CRYBG2: variants seen among roughly 807,000 people sequenced by gnomAD.
CRYBG2 encodes crystallin beta-gamma domain containing 2.
Under a neutral mutation model 153.4 loss-of-function variants are expected in CRYBG2, and 106 were observed. That is an observed-to-expected ratio of 0.69 (90% CI 0.59 to 0.81). The LOEUF (loss-of-function observed/expected upper bound fraction) is 0.81, where lower values mean the gene tolerates loss of function less well. CRYBG2 is among the 30% of genes least tolerant of loss of function. The pLI is 0.00. For synonymous variants in CRYBG2, 851 were observed against 877.8 expected, an observed-to-expected ratio of 0.97 and a Z score of 0.54; for missense variants, 1,996 against 2,112.0, an observed-to-expected ratio of 0.95 and a Z score of 1.08.
chr1:26,347,286 T>G (rs930431088), intron 1 of CRYBG2, among the ~76,000 whole-genome samples: 19 of 123,564 alleles, frequency 1.5e-4, no homozygotes, highest in African/African-American at 5.4e-4. Context: ...CCCCCTGCGT[T>G]TTTTTTTTTT....
At chr1:26,333,655 G>C (rs1217622871) in intron 14 of CRYBG2, among the ~76,000 whole-genome samples, 1 of 152,036 alleles carries the variant, frequency 6.6e-6, no homozygotes, top group Non-Finnish European at 1.5e-5. Flanking sequence ...CCTTCTGCAA[G>C]CCAGGAAGAA....
chr1:26,346,788 C>T lies in CRYBG2; in HGVS notation c.-55-76G>A. ...CTAAAGTGCAGAATAACCACCCCTACCCAAGTCAGGCTGGGAACCTCAGGC... is the reference window on the plus strand; with the variant it reads ...CTAAAGTGCAGAATAACCACCCCTATCCAAGTCAGGCTGGGAACCTCAGGC... On this transcript the variant is annotated intron_variant, in intron 1 of 19. Coordinates refer to ENST00000308182, the MANE Select transcript of CRYBG2 (RefSeq NM_001039775.4). This position sits in a 1 kb window ranked among gnomAD's most constrained non-coding sequence, Gnocchi z 4.9. The T allele has an allele frequency of 1.0e-6, 1 of 995,704 alleles. No individual in the cohort carries two copies. The highest frequency in any genetic ancestry group is 1.4e-6 in the Non-Finnish European group (1 of 701,444). 61.7% of individuals were successfully genotyped at this position (995,704 alleles called of 1,614,324 possible).
chr1:26,323,973 G>T (rs1483552767), intron 18 of CRYBG2, among the ~76,000 whole-genome samples, 179 bp downstream of exon 18: 2 of 152,174 alleles, frequency 1.3e-5, no homozygotes, highest in African/African-American at 4.8e-5. Context: ...TGTTTTTACA[G>T]ACTGGGGCCC....
chr1:26,338,180 C>T (rs184329999), intron 7 of CRYBG2, 133 bp from the exon 8 acceptor site: 15 of 1,410,642 alleles, frequency 1.1e-5, no homozygotes, highest in African/African-American at 2.9e-5. Flanking sequence ...TAGGTTAATC[C>T]CTACCTCTCC....
chr1:26,344,428 C>T lies in CRYBG2; in HGVS notation c.2230G>A (p.Glu744Lys), dbSNP rs1370083834. 8 of 1,523,858 alleles carry T rather than the reference C, an allele frequency of 5.2e-6. No homozygotes were observed. Among genetic ancestry groups the T allele is most frequent in the South Asian group, 1.2e-5 (1 of 80,022 alleles). The allele number at this position is 1,523,858 out of a possible 1,614,324, so 94.4% of individuals were successfully genotyped here. The change falls in exon 2 of 20, where the codon GAG becomes AAG. Residue 744 changes from glutamate (E) to lysine (K), a missense_variant. Coordinates refer to ENST00000308182, the MANE Select transcript of CRYBG2 (RefSeq NM_001039775.4). ...GATGTCTCTGTGCACGTCTTGCCCT[C>T]GGTGGGATCAGAGACAAGCTGGGAC... ...TESQLVSDPT[E>K]GKTCTETSRE...
In CRYBG2 at chr1:26,344,059, G is replaced by A; in HGVS notation, c.2599C>T (p.Gln867Ter). The A allele has an allele frequency of 6.5e-7, 1 of 1,536,172 alleles. No individual in the cohort carries two copies. Among genetic ancestry groups the A allele is most frequent in the Non-Finnish European group, 8.7e-7 (1 of 1,146,902 alleles). Residue 867 changes from glutamine (Q) to a stop codon, truncating the protein, a stop_gained, in exon 2 of 20, where the codon CAG becomes TAG. Transcript: ENST00000308182. LOFTEE classifies it high-confidence loss of function. ...SRDLHPARPTQVSCSPLEMMK... is the reference protein window; with the variant it reads ...SRDLHPARPT ...ATCTCCAGAGGAGAGCAGGAGACCT[G>A]GGTGGGTCTGGCAGGGTGGAGGTCC...
Position 26,336,305 on chromosome 1 carries a change from G to A in CRYBG2, c.4071+33C>T, listed in dbSNP as rs777618874. The A allele has an allele frequency of 1.9e-6, 3 of 1,612,386 alleles. No individual in the cohort carries two copies. The Admixed American group carries it at 5.0e-5, about 27-fold the overall frequency. ...GTCCGAAATGAGGGGAGAGACGTGA[G>A]CCCAGCGGCTCCCTGCGGAGTCCCT... On this transcript the variant is annotated intron_variant, in intron 13 of 19. Coordinates refer to ENST00000308182, the MANE Select transcript of CRYBG2 (RefSeq NM_001039775.4). This position sits in a 1 kb window ranked among gnomAD's most constrained non-coding sequence, Gnocchi z 4.9.
At position 26,343,114 on chromosome 1, in the gene CRYBG2, C is replaced by T. The variant is rs1165853180; in HGVS notation, c.3007G>A (p.Val1003Ile). Residue 1003 changes from valine (V) to isoleucine (I), a missense_variant, in exon 4 of 20, where the codon GTC becomes ATC. By Grantham distance (29) the Val-to-Ile change is conservative (BLOSUM62 3). Transcript: ENST00000308182. The surrounding 1 kb of genome is among the most constrained non-coding windows in gnomAD (Gnocchi z 4.1). ...ESGCQGSGRE[V>I]WGDIVDASGW... ...GAGGCATCAACGATGTCTCCCCAGACCTCCCTGCCACTGCCTTGGCAGCCA... is the reference window on the plus strand; with the variant it reads ...GAGGCATCAACGATGTCTCCCCAGATCTCCCTGCCACTGCCTTGGCAGCCA... 2 of 1,550,452 alleles carry T rather than the reference C, an allele frequency of 1.3e-6. No homozygotes were observed. The highest frequency in any genetic ancestry group is 2.0e-5 in the Admixed American group (1 of 50,990).
chr1:26,337,209 GC>G, intron 10 of CRYBG2, 43 bp downstream of exon 10: 1 of 1,611,300 alleles, frequency 6.2e-7, no homozygotes, highest in Non-Finnish European at 8.5e-7. Context: ...GGGAGGTCTG[GC>G]TGTGGCCAGA....
chr1:26,349,260 T>C (rs2074261301), intron 1 of CRYBG2, among the ~76,000 whole-genome samples: 1 of 152,216 alleles, frequency 6.6e-6, no homozygotes, highest in Non-Finnish European at 1.5e-5. Flanking sequence ...CCCTCGATTC[T>C]GTCCTCTGTG....
rs1193438774 is a variant in CRYBG2, at chr1:26,342,835, C to T, written c.3123G>A (p.Leu1041=). 1 of 1,614,186 alleles carries T rather than the reference C, an allele frequency of 6.2e-7. No individual in the cohort carries two copies. Among genetic ancestry groups the T allele is most frequent in the South Asian group, 1.1e-5 (1 of 91,086 alleles). Residue 1041 remains leucine (L), a synonymous_variant, in exon 5 of 20, where the codon CTG becomes CTA. Coordinates refer to ENST00000308182, the MANE Select transcript of CRYBG2 (RefSeq NM_001039775.4). ...TTCTGAGTTCCATGTCTCCTTCAGG[C>T]AGGACCAGCTTCTGACCCCGGAACT... ...EPEFRGQKLV[L]PEGDMELRTP...
At chr1:26,337,462 C>T in intron 9 of CRYBG2, 76 bp downstream of exon 9, 2 of 1,599,610 alleles carry the variant, frequency 1.3e-6, no homozygotes, top group South Asian at 2.2e-5. Flanking sequence ...CACCCCTACG[C>T]AGCCCAGGTC....
rs781099192 is a variant in CRYBG2 at position 26,337,350 on chromosome 1, C to T, written c.3674G>A (p.Arg1225Gln). ...CTCCTCCAGCAGATACTGGTGGCCCCGGAAGCCCTCCTTCTCGTAGCCCAC... is the reference window on the plus strand; with the variant it reads ...CTCCTCCAGCAGATACTGGTGGCCCTGGAAGCCCTCCTTCTCGTAGCCCAC... ...CWVGYEKEGF[R>Q]GHQYLLEEGE... is the part of the protein sequence containing the mutation. The change falls in exon 10 of 20, where the codon CGG becomes CAG. Residue 1225 changes from arginine (R) to glutamine (Q), a missense_variant. By Grantham distance (43) the Arg-to-Gln change is conservative (BLOSUM62 1). Coordinates refer to ENST00000308182, the MANE Select transcript of CRYBG2 (RefSeq NM_001039775.4). The T allele has an allele frequency of 6.2e-6, 10 of 1,613,874 alleles. No homozygotes were observed. Among genetic ancestry groups the T allele is most frequent in the Admixed American group, 1.7e-5 (1 of 59,976 alleles).
At chr1:26,329,014 T>C in intron 15 of CRYBG2, 141 bp from the exon 16 acceptor site, 6 of 1,049,950 alleles carry the variant, frequency 5.7e-6, no homozygotes, top group Non-Finnish European at 6.8e-6. Context: ...GGGCCACTGA[T>C]TCTTGGACGC....
intron 8 of CRYBG2, 109 bp from the exon 9 acceptor site, chr1:26,337,783 C>T: frequency 6.9e-7 from 1 of 1,453,348 alleles, no homozygotes; most frequent in Non-Finnish European, 9.2e-7. Context: ...GCCCTCCCAC[C>T]TCCTTGCTGA....
rs375811014 is a variant in CRYBG2 at position 26,351,074 on chromosome 1, GA to G, written c.-56+2961del. On this transcript the variant is annotated intron_variant, in intron 1 of 19. Coordinates refer to ENST00000308182, the MANE Select transcript of CRYBG2 (RefSeq NM_001039775.4). ...AGTGTCAGGGACAGGGTCCAAGGGG[GA>G]CTGGAAGGTGGAGGGGTTAGGTAGA... Among the ~76,000 whole-genome samples the G allele has an allele frequency of 3.2e-4, 49 of 152,294 alleles. 2 individuals are homozygous for G. The East Asian group carries it at 4.6e-3, about 14-fold the overall frequency.
chr1:26,346,038 A>G lies in CRYBG2; in HGVS notation c.620T>C (p.Leu207Pro). Residue 207 changes from leucine to proline, a missense_variant, in exon 2 of 20, where the codon CTG becomes CCG. Transcript: ENST00000308182. The surrounding 1 kb of genome is among the most constrained non-coding windows in gnomAD (Gnocchi z 4.9). ...TVRPVSSGEA[L>P]PRGRQVSRMV... ...GCGGGAGACCTGACGGCCCCGTGGC[A>G]GGGCCTCGCCTGAGGACACTGGCCT... The G allele has an allele frequency of 3.1e-6, 5 of 1,592,330 alleles. No homozygotes were observed. The South Asian group carries it at 5.5e-5, about 18-fold the overall frequency.
intron 5 of CRYBG2, among the ~76,000 whole-genome samples, chr1:26,340,984 C>T (rs1251994960): frequency 2.6e-5 from 4 of 152,054 alleles, no homozygotes; most frequent in African/African-American, 9.7e-5. Context: ...AATGAGCGCT[C>T]ATCATCTCCT....
chr1:26,340,662 G>T (rs2074117646), intron 5 of CRYBG2, among the ~76,000 whole-genome samples: 1 of 152,034 alleles, frequency 6.6e-6, no homozygotes, highest in South Asian at 2.1e-4. Context: ...GCCCAGGCTG[G>T]ATTGCAGTGG....
Sources: allele counts gnomAD v4.1 joint callset (sites outside exome capture counted in the v4.1 genomes callset), GRCh38; gene constraint gnomAD v4.1.1; non-coding constraint Gnocchi (gnomAD v3.1); transcripts MANE v1.5; gene names NCBI Gene and HGNC (gene_info 2026-07-23, HGNC 2026-07-21).